Variants in TRMT11 observed in about 807,000 individuals in gnomAD.
The protein encoded by TRMT11 is tRNA methyltransferase 11.
TRMT11 carries 53 observed loss-of-function variants against 62.8 expected under a neutral mutation model. The ratio of observed to expected loss-of-function variants is 0.84; its 90% CI spans 0.68 to 1.06. The LOEUF (loss-of-function observed/expected upper bound fraction) is 1.06. TRMT11 is among the 50% of genes least tolerant of loss of function. The pLI is 0.00. For synonymous variants in TRMT11, 188 were observed against 190.3 expected (o/e 0.99, Z 0.10); for missense variants, 556 against 553.4 (o/e 1.00, Z -0.05).
At chr6:126,031,915 G>A (rs536080700) in intron 12 of TRMT11, among the ~76,000 whole-genome samples, 1 of 152,206 alleles carries the variant, frequency 6.6e-6, no homozygotes, top group South Asian at 2.1e-4. Context: ...GGCAAAGATG[G>A]TGAGGCTATA....
At chr6:126,196,877 G>A (rs1192678848) in intron 1 of TRMT11, among the ~76,000 whole-genome samples, 1 of 151,810 alleles carries the variant, frequency 6.6e-6, no homozygotes, top group Admixed American at 6.6e-5. Flanking sequence ...AAAAAACAAG[G>A]TTTATGATTT....
At chr6:126,007,923 G>C (rs544261178) in intron 7 of TRMT11, among the ~76,000 whole-genome samples, 2 of 152,072 alleles carry the variant, frequency 1.3e-5, no homozygotes, top group Non-Finnish European at 2.9e-5. Flanking sequence ...TTTAATTTCT[G>C]TAAGAACTAA....
intron 21 of TRMT11, among the ~76,000 whole-genome samples, chr6:126,122,538 A>C (rs1777662131): frequency 6.6e-6 from 1 of 152,170 alleles, no homozygotes; most frequent in Non-Finnish European, 1.5e-5. Context: ...CTAGGACATA[A>C]GACTGCCATT....
At chr6:126,240,915 C>A in the TRMT11 span, among the ~76,000 whole-genome samples, 2 of 152,250 alleles carry the variant, frequency 1.3e-5, no homozygotes, top group African/African-American at 4.8e-5. Flanking sequence ...ATGGTGGGCA[C>A]CCCTCCCCCA....
the TRMT11 span, among the ~76,000 whole-genome samples, chr6:126,240,592 G>A: frequency 1.1e-3 from 164 of 152,234 alleles, 2 homozygotes; most frequent in East Asian, 0.021. Flanking sequence ...AGGAGTACCC[G>A]GCCGTGTGAG....
intron 8 of TRMT11, among the ~76,000 whole-genome samples, chr6:126,010,989 C>T (rs541958626): frequency 3.9e-5 from 6 of 152,238 alleles, no homozygotes; most frequent in Admixed American, 6.5e-5. Context: ...CAAAAATCTT[C>T]GTACTTGAAA....
At chr6:126,159,851 G>A (rs1562337050) in intron 21 of TRMT11, among the ~76,000 whole-genome samples, 3 of 152,102 alleles carry the variant, frequency 2.0e-5, no homozygotes, top group Non-Finnish European at 4.4e-5. Flanking sequence ...GTTTGTCTCT[G>A]TGTCTCTTCT....
At chr6:126,037,221 C>T (rs1162345901) in intron 12 of TRMT11, among the ~76,000 whole-genome samples, 1 of 152,028 alleles carries the variant, frequency 6.6e-6, no homozygotes. Flanking sequence ...CCTAGCTCTG[C>T]CACTTACCAG....
chr6:126,000,122 T>C (rs1400389506), intron 7 of TRMT11, among the ~76,000 whole-genome samples: 1 of 152,124 alleles, frequency 6.6e-6, no homozygotes, highest in Non-Finnish European at 1.5e-5. Flanking sequence ...AGTGTCAAAG[T>C]ATCAATGGGC....
At position 126,038,601 on chromosome 6, in the gene TRMT11, A is replaced by G. The variant is rs1018101953; in HGVS notation, c.1261-104A>G. Reference sequence around the variant, plus strand: ...TAGTGAAGGAAGATAAATATGCACTAGAGAGTGAGATTTTGCTTAAGATTT... The same window carrying G: ...TAGTGAAGGAAGATAAATATGCACTGGAGAGTGAGATTTTGCTTAAGATTT... On this transcript the variant is annotated intron_variant, in intron 12 of 12. Coordinates refer to ENST00000334379, the MANE Select transcript of TRMT11 (RefSeq NM_001031712.3). 26 of 923,122 alleles carry G rather than the reference A, an allele frequency of 2.8e-5. No individual in the cohort carries two copies. In the African/African-American group the frequency reaches 4.1e-4, roughly 15 times the overall value. 57.2% of individuals were successfully genotyped at this position (923,122 alleles called of 1,614,324 possible).
downstream of TRMT11, among the ~76,000 whole-genome samples, chr6:126,207,763 T>C (rs1019190852): frequency 5.3e-5 from 8 of 152,342 alleles, no homozygotes; most frequent in South Asian, 1.7e-3. Flanking sequence ...AAGTGCATTA[T>C]GCATGTGACA....
At chr6:126,028,268 A>G (rs1773557931) in intron 12 of TRMT11, among the ~76,000 whole-genome samples, 1 of 152,134 alleles carries the variant, frequency 6.6e-6, no homozygotes, top group Admixed American at 6.5e-5. Context: ...GGTAAGATAG[A>G]TATAGGTAAT....
chr6:126,200,814 A>G (rs532513929), intron 3 of TRMT11, among the ~76,000 whole-genome samples: 260 of 152,264 alleles, frequency 1.7e-3, no homozygotes, highest in African/African-American at 5.9e-3. Context: ...TAGCCTCCCA[A>G]AGTGCTGGGA....
At chr6:126,249,470 T>A in the TRMT11 span, among the ~76,000 whole-genome samples, 2 of 152,168 alleles carry the variant, frequency 1.3e-5, no homozygotes, top group African/African-American at 2.4e-5. Flanking sequence ...TGGTTTTGGA[T>A]ATTTTCTTGT....
At chr6:126,119,679 C>G (rs769651825) in intron 21 of TRMT11, among the ~76,000 whole-genome samples, 1 of 151,942 alleles carries the variant, frequency 6.6e-6, no homozygotes, top group Admixed American at 6.6e-5. Flanking sequence ...TCCTATGGAA[C>G]ATATATCCTA....
intron 7 of TRMT11, among the ~76,000 whole-genome samples, chr6:126,001,839 G>A (rs551188537): frequency 1.8e-4 from 27 of 152,078 alleles, no homozygotes; most frequent in African/African-American, 5.8e-4. Context: ...TCTACTGTAA[G>A]CAAAAGCCCT....
downstream of TRMT11, among the ~76,000 whole-genome samples, chr6:126,040,988 T>G (rs1198759117): frequency 6.6e-6 from 1 of 152,100 alleles, no homozygotes; most frequent in East Asian, 1.9e-4. Context: ...TGACCCAGCT[T>G]TGGGCCAGCT....
At chr6:126,138,818 T>C (rs1028424440) in intron 21 of TRMT11, among the ~76,000 whole-genome samples, 1 of 152,076 alleles carries the variant, frequency 6.6e-6, no homozygotes, top group African/African-American at 2.4e-5. Flanking sequence ...AAGTATTTCA[T>C]TGACCCAAAT....
intron 17 of TRMT11, among the ~76,000 whole-genome samples, chr6:126,063,467 G>A (rs1250651103): frequency 6.6e-6 from 1 of 152,194 alleles, no homozygotes; most frequent in Non-Finnish European, 1.5e-5. Flanking sequence ...TTCTGTAACA[G>A]TTCTGTTTGA....
Sources: allele counts gnomAD v4.1 joint callset (sites outside exome capture counted in the v4.1 genomes callset), GRCh38; gene constraint gnomAD v4.1.1; transcripts MANE v1.5; gene names NCBI Gene and HGNC (gene_info 2026-07-23, HGNC 2026-07-21).